Variants in MTHFD2 observed in about 807,000 individuals in gnomAD.
MTHFD2 encodes methylenetetrahydrofolate dehydrogenase (NADP+ dependent) 2, methenyltetrahydrofolate cyclohydrolase.
Under a neutral mutation model 36.8 loss-of-function variants are expected in MTHFD2, and 26 were observed. The ratio of observed to expected loss-of-function variants is 0.71; its 90% CI spans 0.52 to 0.98. The LOEUF is 0.98. MTHFD2 is among the 50% of genes least tolerant of loss of function. The probability of loss-of-function intolerance (pLI) is 0.00; values close to 1 mark genes in which losing one functional copy is unlikely to be tolerated. For missense variants in MTHFD2, 373 were observed against 434.0 expected (o/e 0.86, Z 1.25); for synonymous variants, 164 against 155.2 (o/e 1.06, Z -0.42).
At chr2:74,206,045 A>G (rs1164458374) in intron 2 of MTHFD2, 156 bp downstream of exon 2, 6 of 708,696 alleles carry the variant, frequency 8.5e-6, no homozygotes, top group Non-Finnish European at 1.2e-5. Context: ...ATAGGAAATC[A>G]GACTATATCT....
intron 1 of MTHFD2, among the ~76,000 whole-genome samples, chr2:74,205,267 A>G (rs1158695242): frequency 6.6e-6 from 1 of 152,248 alleles, no homozygotes; most frequent in African/African-American, 2.4e-5. Context: ...ATGGCATATA[A>G]GCAGATAAGA....
chr2:74,212,457 G>A (rs1031103087), intron 7 of MTHFD2, among the ~76,000 whole-genome samples: 8 of 151,682 alleles, frequency 5.3e-5, no homozygotes, highest in Admixed American at 3.3e-4. Flanking sequence ...TAGTAGAGAC[G>A]GGGTTTCACC....
intron 5 of MTHFD2, 75 bp downstream of exon 5, chr2:74,210,124 T>C: frequency 1.7e-6 from 2 of 1,190,054 alleles, no homozygotes; most frequent in Non-Finnish European, 2.4e-6. Flanking sequence ...CCTGTGCATG[T>C]TTGGAAGTAT....
intron 1 of MTHFD2, among the ~76,000 whole-genome samples, chr2:74,204,517 T>C (rs1457185475): frequency 2.6e-5 from 4 of 152,244 alleles, no homozygotes; most frequent in Non-Finnish European, 1.5e-5. Flanking sequence ...GTGGTTCTAG[T>C]TTGAACTGCC....
In MTHFD2 at chr2:74,205,127, T is replaced by C. The variant is rs76002295; in HGVS notation, c.102-578T>C. ...CGTGAGCCATCGTGCCCGGCCTATA[T>C]TGTTTGTTTATTCAACTACAGAATA... On this transcript the variant is annotated intron_variant, in intron 1 of 7. Transcript: ENST00000394053. 3.4e-3 allele frequency among the ~76,000 whole-genome samples: 515 copies of C among 152,238 alleles called. 29 individuals are homozygous for C. The East Asian group carries it at 0.09, about 27-fold the overall frequency.
intron 1 of MTHFD2, among the ~76,000 whole-genome samples, chr2:74,204,335 T>G (rs1244293106): frequency 6.6e-6 from 1 of 152,166 alleles, no homozygotes; most frequent in Non-Finnish European, 1.5e-5. Context: ...GCAGTTCTCT[T>G]TGGGAAGAGA....
intron 1 of MTHFD2, among the ~76,000 whole-genome samples, chr2:74,199,159 C>A (rs1250671194): frequency 4.6e-5 from 7 of 152,204 alleles, no homozygotes; most frequent in African/African-American, 1.4e-4. Flanking sequence ...AAAAGAGCAG[C>A]CCTCGGCGAG....
At chr2:74,208,858 C>A in intron 4 of MTHFD2, 137 bp downstream of exon 4, 1 of 911,592 alleles carries the variant, frequency 1.1e-6, no homozygotes, top group Non-Finnish European at 1.6e-6. Flanking sequence ...GTTTACCTCT[C>A]TTAACAGTTT....
chr2:74,202,658 C>A (rs542720738), intron 1 of MTHFD2, among the ~76,000 whole-genome samples: 10 of 152,110 alleles, frequency 6.6e-5, no homozygotes, highest in Non-Finnish European at 1.5e-4. Flanking sequence ...TCCCAAGTAG[C>A]TGGGTCTACA....
chr2:74,205,979 T>A, intron 2 of MTHFD2, 90 bp downstream of exon 2: 2 of 1,395,962 alleles, frequency 1.4e-6, no homozygotes, highest in Non-Finnish European at 2.0e-6. Context: ...TTTTTCTGAT[T>A]AGGAAACCCA....
intron 3 of MTHFD2, 38 bp downstream of exon 3, chr2:74,207,864 T>G: frequency 6.4e-7 from 1 of 1,554,066 alleles, no homozygotes; most frequent in South Asian, 1.2e-5. Context: ...TTGCTGCTGC[T>G]TCTGCTCCTT....
intron 1 of MTHFD2, among the ~76,000 whole-genome samples, chr2:74,204,887 A>G (rs909099828): frequency 1.2e-4 from 18 of 152,144 alleles, no homozygotes; most frequent in African/African-American, 4.3e-4. Flanking sequence ...GTGCAGTGGC[A>G]CAATCTCAGC....
chr2:74,198,695 G>T lies in MTHFD2; in HGVS notation c.54G>T (p.Ala18=), dbSNP rs1408081216. 10 of 1,610,866 alleles carry T rather than the reference G, an allele frequency of 6.2e-6. No homozygotes were observed. The highest frequency in any genetic ancestry group is 7.6e-6 in the Non-Finnish European group (9 of 1,178,820). ...TGGCTGCCCGGCTGCTGCAGCCCGC[G>T]CACAGCTGCTCCCTTCGCCTTCGCC... ...SALAARLLQP[A]HSCSLRLRPF... Residue 18 remains alanine, a synonymous_variant, in exon 1 of 8, where the codon GCG becomes GCT. Coordinates refer to ENST00000394053, the MANE Select transcript of MTHFD2 (RefSeq NM_006636.4).
At chr2:74,208,896 C>T (rs1436284613) in intron 4 of MTHFD2, among the ~76,000 whole-genome samples, 175 bp downstream of exon 4, 1 of 151,690 alleles carries the variant, frequency 6.6e-6, no homozygotes, top group Non-Finnish European at 1.5e-5. Flanking sequence ...TTTTTTGAGA[C>T]AGGGTCTTGC....
At position 74,211,225 on chromosome 2, in the gene MTHFD2, C is replaced by T. The variant is rs544300372; in HGVS notation, c.697C>T (p.Arg233Ter). ...GGDATVTISH[R>*]YTPKEQLKKH... The stretch of plus-strand genomic sequence containing the variant: ...TGATGCCACTGTTACAATATCTCAT[C>T]GATATACTCCCAAAGAGCAGTTGAA... Residue 233 changes from arginine (R) to a stop codon, truncating the protein, a stop_gained, in exon 6 of 8, where the codon CGA (arginine) becomes TGA (stop). Coordinates refer to ENST00000394053, the MANE Select transcript of MTHFD2 (RefSeq NM_006636.4). LOFTEE classifies it high-confidence loss of function. 6 of 1,606,034 alleles carry T rather than the reference C, an allele frequency of 3.7e-6. No individual in the cohort carries two copies. Among genetic ancestry groups the T allele is most frequent in the African/African-American group, 1.3e-5 (1 of 74,676 alleles).
chr2:74,207,753 A>G lies in MTHFD2; in HGVS notation c.336A>G (p.Glu112=), dbSNP rs779413862. The G allele has an allele frequency of 1.2e-6, 2 of 1,607,120 alleles. No homozygotes were observed. Among genetic ancestry groups the G allele is most frequent in the East Asian group, 4.5e-5 (2 of 44,756 alleles). The change falls in exon 3 of 8, where the codon GAA becomes GAG. Residue 112 remains glutamate, a synonymous_variant. Transcript: ENST00000394053. ...IMKPASISEE[E]LLNLINKLNN... The stretch of plus-strand genomic sequence containing the variant: ...AACCAGCTTCAATTTCAGAGGAAGA[A>G]TTGTTGAATTTAATCAATAAACTGA...
chr2:74,208,348 C>A (rs1694228174), intron 3 of MTHFD2, among the ~76,000 whole-genome samples: 1 of 152,202 alleles, frequency 6.6e-6, no homozygotes, highest in African/African-American at 2.4e-5. Flanking sequence ...GTATTGTGGT[C>A]TTGATACAAA....
rs1301392332 is a variant in MTHFD2, at chr2:74,206,640, G to A, written c.286+751G>A. On this transcript the variant is annotated intron_variant, in intron 2 of 7. Transcript: ENST00000394053. ...GTGGTTTTCTCTGTTCTTTATTATTGAGGAGTGAGGCCTCCTGCTCTTTTA... is the reference window on the plus strand; with the variant it reads ...GTGGTTTTCTCTGTTCTTTATTATTAAGGAGTGAGGCCTCCTGCTCTTTTA... The A allele has an allele frequency of 2.0e-5, 3 of 152,210 alleles. No individual in the cohort carries two copies. In the East Asian group the frequency reaches 5.8e-4, roughly 29 times the overall value. The allele number at this position is 152,210 out of a possible 1,614,324, so 9.4% of individuals were successfully genotyped here. A position where few individuals can be genotyped will look rare whatever the true frequency, so the allele number is the denominator to read the frequency against.
chr2:74,212,252 C>T (rs1448192069), intron 7 of MTHFD2, among the ~76,000 whole-genome samples: 11 of 89,986 alleles, frequency 1.2e-4, no homozygotes, highest in East Asian at 1.2e-3. Context: ...TTTCTTCCTT[C>T]GTTTCTTTCT....
Sources: allele counts gnomAD v4.1 joint callset (sites outside exome capture counted in the v4.1 genomes callset), GRCh38; gene constraint gnomAD v4.1.1; transcripts MANE v1.5; gene names NCBI Gene and HGNC (gene_info 2026-07-23, HGNC 2026-07-21).